The following EFR3B variants were observed in gnomAD, a reference collection of about 807,000 sequenced individuals.
EFR3B encodes the protein protein EFR3 homolog B.
EFR3B carries 64 observed loss-of-function variants against 104.7 expected under a neutral mutation model. The ratio of observed to expected loss-of-function variants is 0.61; its 90% CI spans 0.50 to 0.75. The LOEUF (loss-of-function observed/expected upper bound fraction) is 0.75. Ranked by LOEUF, EFR3B falls within the 30% of genes least tolerant of loss-of-function variation. The probability of loss-of-function intolerance (pLI) is 0.00; values close to 1 mark genes in which losing one functional copy is unlikely to be tolerated. For synonymous variants in EFR3B, 385 were observed against 417.9 expected (o/e 0.92, Z 0.96); for missense variants, 750 against 1,078.5 (o/e 0.70, Z 4.27).
In EFR3B at chr2:25,058,775, CAA is replaced by C. The variant is rs748745340; in HGVS notation, c.7+16466_7+16467del. On this transcript the variant is annotated intron_variant, in intron 1 of 22. Transcript: ENST00000403714. ...CTCTGTCTCCCCGCGCCCCCCCCCC[CAA>C]AAAAAAAAACAATAACCAAGTGTTG... is the stretch of plus-strand genomic sequence containing the variant. Among the ~76,000 whole-genome samples, 1,951 of 104,092 alleles carry C rather than the reference CAA, an allele frequency of 0.019. 129 individuals are homozygous for C. The East Asian group carries it at 0.22, about 12-fold the overall frequency. The allele number at this position is 104,092 out of a possible 152,430, so 68.3% of individuals were successfully genotyped here.
intron 18 of EFR3B, 84 bp from the exon 19 acceptor site, chr2:25,144,875 AG>A: frequency 8.3e-7 from 1 of 1,204,432 alleles, no homozygotes; most frequent in Non-Finnish European, 1.2e-6. Flanking sequence ...AAGCAAAGGC[AG>A]AGGGGTAGGG....
At chr2:25,063,866 T>C (rs972283693) in intron 1 of EFR3B, among the ~76,000 whole-genome samples, 1 of 152,186 alleles carries the variant, frequency 6.6e-6, no homozygotes, top group Non-Finnish European at 1.5e-5. Context: ...GCTGTCTCTT[T>C]CCAGCTGCGT....
Position 25,137,449 on chromosome 2 carries a change from C to G in EFR3B, c.1669C>G (p.Leu557Val). ...CTTGCTGGCCCTCATCAGCATCGAG[C>G]TGGCTAACGAGGAGGTGGTGGTGGA... is the stretch of plus-strand genomic sequence containing the variant. ...YGLLALISIE[L>V]ANEEVVVDLI... The change falls in exon 15 of 23, where the codon CTG becomes GTG. Residue 557 changes from leucine (L) to valine (V), a missense_variant. Leu to Val is a conservative substitution (Grantham distance 32). Transcript: ENST00000403714. The surrounding 1 kb of genome is among the most constrained non-coding windows in gnomAD (Gnocchi z 4.7). The G allele has an allele frequency of 6.4e-7, 1 of 1,551,762 alleles. No homozygotes were observed. Among genetic ancestry groups the G allele is most frequent in the South Asian group, 1.2e-5 (1 of 84,062 alleles).
At chr2:25,051,643 T>TG (rs1667874131) in intron 1 of EFR3B, among the ~76,000 whole-genome samples, 1 of 150,288 alleles carries the variant, frequency 6.7e-6, no homozygotes, top group African/African-American at 2.4e-5. Context: ...GTGTGTTTTT[T>TG]TTTTTTTTTT....
chr2:25,107,288 GA>G (rs759709416), intron 4 of EFR3B, among the ~76,000 whole-genome samples: 4 of 152,254 alleles, frequency 2.6e-5, no homozygotes, highest in Non-Finnish European at 5.9e-5. Context: ...GAGAAGTCAA[GA>G]AAAAGCCTCA....
At chr2:25,120,645 A>AAACAAC (rs113749302) in intron 4 of EFR3B, among the ~76,000 whole-genome samples, 15,470 of 151,626 alleles carry the variant, frequency 0.1, 1,886 homozygotes, top group African/African-American at 0.3. Flanking sequence ...TCCGTCTCAA[A>AAACAAC]AACAACAACA....
At chr2:25,106,321 G>A (rs1029416464) in intron 4 of EFR3B, among the ~76,000 whole-genome samples, 12 of 151,788 alleles carry the variant, frequency 7.9e-5, no homozygotes, top group African/African-American at 2.9e-4. Flanking sequence ...GCAGAGCCTC[G>A]CTGTGTCACC....
chr2:25,109,009 A>G (rs973293560), intron 4 of EFR3B, among the ~76,000 whole-genome samples: 1 of 152,148 alleles, frequency 6.6e-6, no homozygotes, highest in Non-Finnish European at 1.5e-5. Context: ...GTCTCAAAAA[A>G]AATAAAAAAT....
At chr2:25,133,469 C>T (rs1290967692) in intron 12 of EFR3B, 35 bp downstream of exon 12, 1 of 1,547,762 alleles carries the variant, frequency 6.5e-7, no homozygotes, top group South Asian at 1.2e-5. Context: ...TGCTCTTCCT[C>T]TGCAGGAGAC....
intron 5 of EFR3B, among the ~76,000 whole-genome samples, chr2:25,122,717 C>T (rs1172617222): frequency 6.6e-6 from 1 of 152,098 alleles, no homozygotes; most frequent in Non-Finnish European, 1.5e-5. Context: ...CTGCACACCC[C>T]CACATGCCCA....
chr2:25,074,265 G>T (rs1668573729), intron 1 of EFR3B, among the ~76,000 whole-genome samples: 1 of 152,128 alleles, frequency 6.6e-6, no homozygotes, highest in African/African-American at 2.4e-5. Context: ...TACCACCGTT[G>T]CTCAAAGGAA....
At chr2:25,135,709 G>A in intron 13 of EFR3B, 70 bp downstream of exon 13, 1 of 1,516,158 alleles carries the variant, frequency 6.6e-7, no homozygotes, top group East Asian at 2.5e-5. Flanking sequence ...CCTATCCTTT[G>A]GTCCTGTCCT....
chr2:25,060,687 G>A (rs987378734), intron 1 of EFR3B, among the ~76,000 whole-genome samples: 1 of 151,982 alleles, frequency 6.6e-6, no homozygotes, highest in Non-Finnish European at 1.5e-5. Flanking sequence ...TTGGGAGGCC[G>A]AGGTGGGTGG....
intron 11 of EFR3B, 100 bp from the exon 12 acceptor site, chr2:25,133,283 A>T: frequency 2.3e-6 from 3 of 1,296,882 alleles, no homozygotes; most frequent in Non-Finnish European, 3.3e-6. Flanking sequence ...CCAACACGAT[A>T]AGCCTCATGG....
At chr2:25,115,922 G>C (rs558603675) in intron 4 of EFR3B, 2 of 152,188 alleles carry the variant, frequency 1.3e-5, no homozygotes, top group African/African-American at 4.8e-5. Flanking sequence ...TCTAGAACTC[G>C]GGCTTTGTGA....
rs768331774 is a variant in EFR3B, at chr2:25,137,409, C to T, written c.1629C>T (p.Tyr543=). 5.4e-5 allele frequency: 84 copies of T among 1,551,804 alleles called. No individual in the cohort carries two copies. Among genetic ancestry groups the T allele is most frequent in the Admixed American group, 9.8e-5 (5 of 50,992 alleles). ...AGGAAACAAACGTGCAGAAACACTACGAGGCGCTCTATGGCTTGCTGGCCC... is the reference window on the plus strand; with the variant it reads ...AGGAAACAAACGTGCAGAAACACTATGAGGCGCTCTATGGCTTGCTGGCCC... ...CKEETNVQKH[Y]EALYGLLALI... is the part of the protein sequence containing the mutation. Residue 543 remains tyrosine (Y), a synonymous_variant, in exon 15 of 23, where the codon TAC becomes TAT. Coordinates refer to ENST00000403714, the MANE Select transcript of EFR3B (RefSeq NM_014971.2). The surrounding 1 kb of genome is among the most constrained non-coding windows in gnomAD (Gnocchi z 4.7).
At position 25,157,924 on chromosome 2, in the gene EFR3B, T is replaced by G. The variant is rs1671218909; in HGVS notation, c.*3584T>G. ...GATACCCCCCTCTGTCCAGCCCCCT[T>G]TCCCATACACAGATATCAATGGATG... is the stretch of plus-strand genomic sequence containing the variant. On this transcript the variant is annotated 3_prime_UTR_variant, in exon 23 of 23. Coordinates refer to ENST00000403714, the MANE Select transcript of EFR3B (RefSeq NM_014971.2). 6.6e-6 allele frequency: 1 copy of G among 152,540 alleles called. No individual in the cohort carries two copies. Among genetic ancestry groups the G allele is most frequent in the African/African-American group, 2.4e-5 (1 of 41,436 alleles). The allele number at this position is 152,540 out of a possible 1,614,324, so 9.4% of individuals were successfully genotyped here. A position where few individuals can be genotyped will look rare whatever the true frequency, so the allele number is the denominator to read the frequency against.
chr2:25,104,610 G>T (rs1409091915), intron 4 of EFR3B, among the ~76,000 whole-genome samples: 1 of 152,208 alleles, frequency 6.6e-6, no homozygotes, highest in Non-Finnish European at 1.5e-5. Context: ...CGCTATGGGG[G>T]CATATCTTGA....
Position 25,099,829 on chromosome 2 carries a change from T to G in EFR3B, c.213-3808T>G, listed in dbSNP as rs1268876698. 3.3e-5 allele frequency among the ~76,000 whole-genome samples: 5 copies of G among 150,098 alleles called. No individual in the cohort carries two copies. The South Asian group carries it at 8.4e-4, about 25-fold the overall frequency. On this transcript the variant is annotated intron_variant, in intron 3 of 22. Transcript: ENST00000403714. ...TGAAAGAGCTCCTGAAATTGTCCTA[T>G]AGTCATCCTCCCTGTGCTTTCTGTT... is the stretch of plus-strand genomic sequence containing the variant.
Sources: allele counts gnomAD v4.1 joint callset (sites outside exome capture counted in the v4.1 genomes callset), GRCh38; gene constraint gnomAD v4.1.1; non-coding constraint Gnocchi (gnomAD v3.1); transcripts MANE v1.5; gene names NCBI Gene and HGNC (gene_info 2026-07-23, HGNC 2026-07-21).